HERC1: variants seen among roughly 807,000 people sequenced by gnomAD.
The protein encoded by HERC1 is probable E3 ubiquitin-protein ligase HERC1.
Under a neutral mutation model 554.3 loss-of-function variants are expected in HERC1, and 160 were observed. The ratio of observed to expected loss-of-function variants is 0.29; its 90% CI spans 0.25 to 0.33. The LOEUF is 0.33. Among genes scored for constraint, HERC1 ranks in the 10% least tolerant of loss-of-function variants. HERC1 has a pLI of 1.00. For missense variants in HERC1, 4,919 were observed against 5,918.5 expected (o/e 0.83, Z 5.54); for synonymous variants, 2,175 against 2,131.7 (o/e 1.02, Z -0.56).
intron 43 of HERC1, 22 bp from the exon 44 acceptor site, chr15:63,663,226 C>T (rs1165875875): frequency 1.3e-6 from 2 of 1,592,674 alleles, no homozygotes; most frequent in African/African-American, 2.7e-5. Flanking sequence ...ACAAAAAAGG[C>T]ATTTTATTTG....
At chr15:63,654,473 C>G (rs753063952) in intron 50 of HERC1, 149 bp from the exon 51 acceptor site, 2 of 607,496 alleles carry the variant, frequency 3.3e-6, no homozygotes, top group South Asian at 2.0e-5. Flanking sequence ...GGCACTTTTG[C>G]AAGCAATTAT....
rs147706742 is a variant in HERC1, at chr15:63,803,247, T to C, written c.-26-27598A>G. Among the ~76,000 whole-genome samples, 3 of 152,262 alleles carry C rather than the reference T, an allele frequency of 2.0e-5. No homozygotes were observed. The East Asian group carries it at 5.8e-4, about 29-fold the overall frequency. The stretch of plus-strand genomic sequence containing the variant: ...AATAAAAAGAAAAAAGTACTTGTAT[T>C]ATCCCCATTTTCCAGGAAGGGAAGT... On this transcript the variant is annotated intron_variant, in intron 1 of 77. Transcript: ENST00000443617.
chr15:63,639,036 C>T (rs546824382), intron 61 of HERC1, among the ~76,000 whole-genome samples: 2 of 152,130 alleles, frequency 1.3e-5, no homozygotes, highest in East Asian at 3.8e-4. Flanking sequence ...TTCTGAACAC[C>T]CACAGGTACA....
chr15:63,625,876 A>T, intron 71 of HERC1, 109 bp downstream of exon 71: 2 of 1,126,784 alleles, frequency 1.8e-6, no homozygotes, highest in Non-Finnish European at 2.6e-6. Context: ...TTAGCCATGA[A>T]AGAATTTTCC....
Position 63,694,132 on chromosome 15 carries a change from T to C in HERC1, c.5506A>G (p.Lys1836Glu). The C allele has an allele frequency of 6.2e-7, 1 of 1,607,248 alleles. No individual in the cohort carries two copies. The highest frequency in any genetic ancestry group is 8.5e-7 in the Non-Finnish European group (1 of 1,176,784). Residue 1836 changes from lysine to glutamate, a missense_variant, in exon 30 of 78, where the codon AAA (lysine) becomes GAA (glutamate). Around this residue, in one of 11 missense-constraint regions of HERC1, gnomAD observed 1,121 missense variants for 1,244.0 expected, o/e 0.90. Coordinates refer to ENST00000443617, the MANE Select transcript of HERC1 (RefSeq NM_003922.4). The surrounding 1 kb of genome is among the most constrained non-coding windows in gnomAD (Gnocchi z 4.3). ...AGATCCAACAAGGATTGAACTACTT[T>C]GGGACTCAGTTTATCAGCATAGGTC... ...TGTYADKLSP[K>E]VVQSLLDLLC... is the part of the protein sequence containing the mutation.
intron 12 of HERC1, among the ~76,000 whole-genome samples, chr15:63,738,325 A>G (rs1242341272): frequency 1.3e-5 from 2 of 152,224 alleles, no homozygotes; most frequent in African/African-American, 2.4e-5. Context: ...AATTAAAAGC[A>G]ATATGGGATC....
At position 63,758,585 on chromosome 15, in the gene HERC1, A is replaced by C. The variant is rs1042119877; in HGVS notation, c.1027-216T>G. ...CAAAAGTGGGAAACGGGAGACACAC[A>C]ATCCTTTAGCTAAACATTTTATTAC... On this transcript the variant is annotated intron_variant, in intron 3 of 77. Transcript: ENST00000443617. This position sits in a 1 kb window ranked among gnomAD's most constrained non-coding sequence, Gnocchi z 4.0. Among the ~76,000 whole-genome samples, 7 of 152,236 alleles carry C rather than the reference A, an allele frequency of 4.6e-5. No homozygotes were observed. Among genetic ancestry groups the C allele is most frequent in the South Asian group, 2.1e-4 (1 of 4,836 alleles).
chr15:63,739,993 C>T (rs966817916), intron 12 of HERC1, among the ~76,000 whole-genome samples: 1 of 152,238 alleles, frequency 6.6e-6, no homozygotes, highest in East Asian at 1.9e-4. Flanking sequence ...TCACCGCAAC[C>T]TCTGCCTCCC....
intron 1 of HERC1, among the ~76,000 whole-genome samples, chr15:63,832,951 T>C (rs2078206181): frequency 1.3e-5 from 2 of 152,252 alleles, no homozygotes; most frequent in Admixed American, 1.3e-4. Context: ...TAATTATCTC[T>C]ATATTCTAAG....
chr15:63,612,221 T>C lies in HERC1; in HGVS notation c.14400+30A>G, dbSNP rs369207929. 1.2e-5 allele frequency: 18 copies of C among 1,547,338 alleles called. No homozygotes were observed. Among genetic ancestry groups the C allele is most frequent in the Non-Finnish European group, 1.5e-5 (17 of 1,139,034 alleles). On this transcript the variant is annotated intron_variant, in intron 77 of 77. Transcript: ENST00000443617. The surrounding 1 kb of genome is among the most constrained non-coding windows in gnomAD (Gnocchi z 5.0). ...CAACAATGAAGCAATAAGGCAGACA[T>C]TACAAAGGAAAAAAGAATAGCTTAC...
chr15:63,820,147 A>G (rs983731079), intron 1 of HERC1, among the ~76,000 whole-genome samples: 2 of 152,218 alleles, frequency 1.3e-5, no homozygotes, highest in African/African-American at 4.8e-5. Context: ...AAAATACATG[A>G]AACTTCTTAG....
chr15:63,756,014 A>AT lies in HERC1; in HGVS notation c.1533+422dup, dbSNP rs1217571853. On this transcript the variant is annotated intron_variant, in intron 5 of 77. Coordinates refer to ENST00000443617, the MANE Select transcript of HERC1 (RefSeq NM_003922.4). This position sits in a 1 kb window ranked among gnomAD's most constrained non-coding sequence, Gnocchi z 5.0. ...CTGCCCAAGGTAACCTTTATTGCTC[A>AT]TTTTTTTCTTTAATATTATCTGAAA... Among the ~76,000 whole-genome samples the AT allele has an allele frequency of 6.6e-6, 1 of 151,950 alleles. No homozygotes were observed. The highest frequency in any genetic ancestry group is 1.5e-5 in the Non-Finnish European group (1 of 67,984).
chr15:63,820,002 C>CA (rs1452333466), intron 1 of HERC1, among the ~76,000 whole-genome samples: 1 of 152,048 alleles, frequency 6.6e-6, no homozygotes, highest in Non-Finnish European at 1.5e-5. Flanking sequence ...GTTCTCACCA[C>CA]AAAAATGATG....
Position 63,819,767 on chromosome 15 carries a change from T to C in HERC1, c.-27+14060A>G, listed in dbSNP as rs567558440. On this transcript the variant is annotated intron_variant, in intron 1 of 77. Coordinates refer to ENST00000443617, the MANE Select transcript of HERC1 (RefSeq NM_003922.4). ...TTTTCTATCAGCCAAAACTATGTCATTGAGGCTGGCCATGTCTATGCTCTG... is the reference window on the plus strand; with the variant it reads ...TTTTCTATCAGCCAAAACTATGTCACTGAGGCTGGCCATGTCTATGCTCTG... Among the ~76,000 whole-genome samples the C allele has an allele frequency of 1.1e-4, 17 of 152,310 alleles. No homozygotes were observed. The East Asian group carries it at 1.2e-3, about 10-fold the overall frequency.
At chr15:63,781,533 A>G (rs2076288832) in intron 1 of HERC1, among the ~76,000 whole-genome samples, 1 of 152,182 alleles carries the variant, frequency 6.6e-6, no homozygotes, top group African/African-American at 2.4e-5. Context: ...TGGCAAACTT[A>G]ATCGATAAAT....
intron 57 of HERC1, 106 bp from the exon 58 acceptor site, chr15:63,643,656 A>G: frequency 1.3e-6 from 1 of 782,812 alleles, no homozygotes; most frequent in East Asian, 2.8e-5. Context: ...AAAATTGGCA[A>G]GGGGGAGAGA....
At position 63,666,553 on chromosome 15, in the gene HERC1, C is replaced by T. The variant is rs566836282; in HGVS notation, c.8207-81G>A. The T allele has an allele frequency of 1.6e-4, 137 of 868,564 alleles. 1 individual carries two copies. The highest frequency in any genetic ancestry group is 2.0e-4 in the Non-Finnish European group (110 of 544,652). 53.8% of individuals were successfully genotyped at this position (868,564 alleles called of 1,614,324 possible). A position where few individuals can be genotyped will look rare whatever the true frequency, so the allele number is the denominator to read the frequency against. ...AAAGTGTCTTCATAGTCCTCAATTT[C>T]CTAGTATTGTCCAAGTTTAATGAAA... On this transcript the variant is annotated intron_variant, in intron 40 of 77. Transcript: ENST00000443617.
At chr15:63,817,622 C>T (rs1450758754) in intron 1 of HERC1, among the ~76,000 whole-genome samples, 1 of 152,046 alleles carries the variant, frequency 6.6e-6, no homozygotes, top group East Asian at 1.9e-4. Context: ...GGCTGAGGCA[C>T]GAGAGTCGCT....
intron 3 of HERC1, among the ~76,000 whole-genome samples, chr15:63,763,407 G>T (rs961624982): frequency 6.6e-6 from 1 of 152,012 alleles, no homozygotes; most frequent in Non-Finnish European, 1.5e-5. Context: ...CAATTTATAG[G>T]AAATACAGAG....
Sources: allele counts gnomAD v4.1 joint callset (sites outside exome capture counted in the v4.1 genomes callset), GRCh38; gene constraint gnomAD v4.1.1; regional missense constraint gnomAD v4.1.1; non-coding constraint Gnocchi (gnomAD v3.1); transcripts MANE v1.5; gene names NCBI Gene and HGNC (gene_info 2026-07-23, HGNC 2026-07-21).